CFAP20DC: variants seen among roughly 807,000 people sequenced by gnomAD.
CFAP20DC encodes the protein protein CFAP20DC.
CFAP20DC carries 84 observed loss-of-function variants against 101.7 expected under a neutral mutation model. That is an observed-to-expected ratio of 0.83 (90% CI 0.69 to 0.99). The LOEUF is 0.99. Ranked by LOEUF, CFAP20DC falls within the 50% of genes least tolerant of loss-of-function variation. The probability of loss-of-function intolerance (pLI) is 0.00; values close to 1 mark genes in which losing one functional copy is unlikely to be tolerated. For synonymous variants in CFAP20DC, 359 were observed against 351.2 expected (o/e 1.02, Z -0.25); for missense variants, 1,007 against 970.3 (o/e 1.04, Z -0.50).
chr3:58,996,101 C>CA (rs141283541), intron 4 of CFAP20DC, among the ~76,000 whole-genome samples: 5,828 of 148,032 alleles, frequency 0.039, 403 homozygotes, highest in African/African-American at 0.14. Flanking sequence ...ATAAATGAAG[C>CA]AGAAAAAAAA....
At chr3:58,935,592 T>C (rs1388629970) in intron 5 of CFAP20DC, among the ~76,000 whole-genome samples, 10 of 152,008 alleles carry the variant, frequency 6.6e-5, no homozygotes, top group Non-Finnish European at 7.4e-5. Flanking sequence ...ATCAATGGAA[T>C]AGAACAGAGC....
chr3:58,827,771 C>A (rs1207769461), intron 14 of CFAP20DC, among the ~76,000 whole-genome samples: 1 of 152,184 alleles, frequency 6.6e-6, no homozygotes, highest in East Asian at 1.9e-4. Context: ...GCTTCCCCAC[C>A]AAAACTGTGA....
chr3:58,862,361 T>C, intron 12 of CFAP20DC: 1 of 985,418 alleles, frequency 1.0e-6, no homozygotes, highest in African/African-American at 1.7e-5. Flanking sequence ...TATAGCTTTA[T>C]GTTATTAAAG....
intron 4 of CFAP20DC, among the ~76,000 whole-genome samples, chr3:58,977,217 T>C (rs2092316120): frequency 6.6e-6 from 1 of 152,196 alleles, no homozygotes; most frequent in African/African-American, 2.4e-5. Flanking sequence ...TGTAGTTTCT[T>C]CTTCTGTTAA....
intron 6 of CFAP20DC, among the ~76,000 whole-genome samples, chr3:58,900,767 G>A (rs1045278500): frequency 6.6e-6 from 1 of 152,206 alleles, no homozygotes; most frequent in Non-Finnish European, 1.5e-5. Context: ...ATATGAGGTA[G>A]TGTATTATTG....
chr3:58,845,486 A>G (rs2077548429), intron 13 of CFAP20DC, among the ~76,000 whole-genome samples: 1 of 150,432 alleles, frequency 6.6e-6, no homozygotes, highest in Admixed American at 6.6e-5. Context: ...CTCTGAATAG[A>G]CCAATAACAG....
intron 5 of CFAP20DC, among the ~76,000 whole-genome samples, chr3:58,936,933 A>C (rs537645064): frequency 6.8e-6 from 1 of 147,666 alleles, no homozygotes; most frequent in Non-Finnish European, 1.5e-5. Flanking sequence ...TAATAACAAA[A>C]TTAAAAAAAA....
chr3:58,857,640 CT>C (rs2078942065), intron 12 of CFAP20DC, among the ~76,000 whole-genome samples: 1 of 152,228 alleles, frequency 6.6e-6, no homozygotes, highest in African/African-American at 2.4e-5. Context: ...CTTGGCTGCC[CT>C]AGAACTGCTA....
chr3:59,030,417 T>TATTTTGATTGTCTATC (rs2093968591), intron 4 of CFAP20DC, among the ~76,000 whole-genome samples: 1 of 152,236 alleles, frequency 6.6e-6, no homozygotes, highest in Admixed American at 6.5e-5. Flanking sequence ...CAAATTCAAA[T>TATTTTGATTGTCTATC]AGAGAGTTAG....
At chr3:58,982,715 G>A (rs910322667) in intron 4 of CFAP20DC, among the ~76,000 whole-genome samples, 1 of 106,364 alleles carries the variant, frequency 9.4e-6, no homozygotes, top group Non-Finnish European at 1.8e-5. Context: ...TGTGGGGTGG[G>A]GGGAGGGGGG....
At chr3:58,909,200 T>C (rs1244022222) in intron 6 of CFAP20DC, among the ~76,000 whole-genome samples, 1 of 152,304 alleles carries the variant, frequency 6.6e-6, no homozygotes, top group East Asian at 1.9e-4. Flanking sequence ...TTGTAACATA[T>C]GTACCATTCT....
Position 58,986,541 on chromosome 3 carries a change from A to C in CFAP20DC, c.279-48779T>G, listed in dbSNP as rs542241579. The stretch of plus-strand genomic sequence containing the variant: ...ATCAAAAACAAACTAGCAAAAAATA[A>C]ATAAAAAATAAATAAGCTTGTCTCT... On this transcript the variant is annotated intron_variant, in intron 4 of 16. Transcript: ENST00000482387. Among the ~76,000 whole-genome samples, 10 of 152,276 alleles carry C rather than the reference A, an allele frequency of 6.6e-5. No homozygotes were observed. In the South Asian group the frequency reaches 2.1e-3, roughly 32 times the overall value.
intron 4 of CFAP20DC, among the ~76,000 whole-genome samples, chr3:58,995,643 G>A (rs2093095652): frequency 6.6e-6 from 1 of 152,038 alleles, no homozygotes; most frequent in South Asian, 2.1e-4. Flanking sequence ...GGTGTTTTTG[G>A]CCGAGATTAA....
intron 4 of CFAP20DC, chr3:58,953,697 T>C (rs2090361910): frequency 6.6e-6 from 1 of 152,214 alleles, no homozygotes; most frequent in Non-Finnish European, 1.5e-5. Flanking sequence ...TGTGACTACT[T>C]AAAAGCTTCA....
chr3:58,896,052 T>C (rs746392079), intron 6 of CFAP20DC, among the ~76,000 whole-genome samples: 1 of 152,246 alleles, frequency 6.6e-6, no homozygotes, highest in Non-Finnish European at 1.5e-5. Flanking sequence ...CCAATCCGTA[T>C]CACTGCTTCA....
chr3:58,829,318 C>T (rs1177885555), intron 14 of CFAP20DC, among the ~76,000 whole-genome samples: 2 of 126,634 alleles, frequency 1.6e-5, no homozygotes, highest in Non-Finnish European at 3.2e-5. Context: ...GAGACTCAGT[C>T]TCAAAAAAAA....
Position 58,831,388 on chromosome 3 carries a change from G to A in CFAP20DC, c.2175+298C>T, listed in dbSNP as rs550802283. Among the ~76,000 whole-genome samples the A allele has an allele frequency of 2.0e-5, 3 of 152,246 alleles. No individual in the cohort carries two copies. In the South Asian group the frequency reaches 6.2e-4, roughly 32 times the overall value. ...GTATGTGCCACAGGGCTTGTACTAG[G>A]GGATACAATGGGACACCCAGTGTCT... On this transcript the variant is annotated intron_variant, in intron 14 of 16. Coordinates refer to ENST00000482387, the MANE Select transcript of CFAP20DC (RefSeq NM_001394063.1).
At chr3:58,987,200 T>G (rs879519082) in intron 4 of CFAP20DC, among the ~76,000 whole-genome samples, 1 of 152,098 alleles carries the variant, frequency 6.6e-6, no homozygotes, top group South Asian at 2.1e-4. Context: ...TTAGGTAAGA[T>G]GTTTGTGTTA....
chr3:58,742,213 A>C lies in CFAP20DC; in HGVS notation c.*247T>G. The C allele has an allele frequency of 9.7e-7, 1 of 1,025,994 alleles. No homozygotes were observed. 63.6% of individuals were successfully genotyped at this position (1,025,994 alleles called of 1,614,324 possible). On this transcript the variant is annotated 3_prime_UTR_variant, in exon 17 of 17. Transcript: ENST00000482387. Reference sequence around the variant, plus strand: ...ATTATATGTAGAATGAGAACAAACAAGAACCAATTCAAACTCCTAAAATCT... The same window carrying C: ...ATTATATGTAGAATGAGAACAAACACGAACCAATTCAAACTCCTAAAATCT...
Sources: gnomAD v4.1 joint callset for allele counts (sites outside exome capture counted in the v4.1 genomes callset) on GRCh38, gnomAD v4.1.1 for gene constraint, MANE v1.5 for transcripts, NCBI Gene and HGNC (gene_info 2026-07-23, HGNC 2026-07-21) for gene names.